Variants in AFF1 observed in about 807,000 individuals in gnomAD.
AFF1 encodes the protein ALF transcription elongation factor 1.
A neutral mutation model predicts 121.7 loss-of-function variants in AFF1; 48 were observed. That is an observed-to-expected ratio of 0.39 (90% CI 0.31 to 0.50). The LOEUF (loss-of-function observed/expected upper bound fraction) is 0.50. AFF1 is among the 20% of genes least tolerant of loss of function. The probability of loss-of-function intolerance (pLI) is 0.76; values close to 1 mark genes in which losing one functional copy is unlikely to be tolerated. For synonymous variants in AFF1, 613 were observed against 563.0 expected, an observed-to-expected ratio of 1.09 and a Z score of -1.26; for missense variants, 1,523 against 1,511.7, an observed-to-expected ratio of 1.01 and a Z score of -0.12.
intron 2 of AFF1, among the ~76,000 whole-genome samples, chr4:86,951,938 A>G (rs1040515973): frequency 6.9e-6 from 1 of 144,590 alleles, no homozygotes; most frequent in African/African-American, 2.6e-5. Context: ...TTTTTTTTTT[A>G]AAGCAAAAAG....
At chr4:87,086,566 C>T (rs555303268) in intron 5 of AFF1, among the ~76,000 whole-genome samples, 1 of 152,298 alleles carries the variant, frequency 6.6e-6, no homozygotes, top group South Asian at 2.1e-4. Context: ...CAGGACTGAA[C>T]AGGCCATAGG....
intron 2 of AFF1, among the ~76,000 whole-genome samples, chr4:87,030,671 G>A (rs1002812029): frequency 5.4e-5 from 8 of 149,136 alleles, no homozygotes; most frequent in East Asian, 2.0e-4. Flanking sequence ...TTTCTTCCCC[G>A]TTCCATTTCA....
intron 12 of AFF1, among the ~76,000 whole-genome samples, chr4:87,116,544 A>G (rs1376071586): frequency 6.6e-6 from 1 of 152,218 alleles, no homozygotes; most frequent in Non-Finnish European, 1.5e-5. Context: ...AAGTTGAGCT[A>G]AGAATAACAA....
chr4:86,978,603 T>C (rs765546179), intron 2 of AFF1, among the ~76,000 whole-genome samples: 1 of 151,724 alleles, frequency 6.6e-6, no homozygotes, highest in Non-Finnish European at 1.5e-5. Context: ...AGTGCAGTGG[T>C]GCAACCAATA....
chr4:87,007,180 C>A, intron 2 of AFF1: 1 of 1,369,022 alleles, frequency 7.3e-7, no homozygotes, highest in East Asian at 2.9e-5. Flanking sequence ...CCGCAGAGGC[C>A]CCAGTGCCCG....
At chr4:87,046,635 T>C in intron 3 of AFF1, 60 bp from the exon 4 acceptor site, 2 of 1,512,196 alleles carry the variant, frequency 1.3e-6, no homozygotes, top group Non-Finnish European at 1.8e-6. Flanking sequence ...TATAACGTGG[T>C]TTGTTAAATG....
At chr4:87,006,788 CAGGCGGGGCTCG>C in intron 2 of AFF1, among the ~76,000 whole-genome samples, 1 of 152,376 alleles carries the variant, frequency 6.6e-6, no homozygotes, top group Non-Finnish European at 1.5e-5. Flanking sequence ...GAGGAGCCCG[CAGGCGGGGCTCG>C]GCCGGGGACC....
chr4:87,111,688 A>AT (rs1438727770), intron 11 of AFF1, among the ~76,000 whole-genome samples: 9 of 152,036 alleles, frequency 5.9e-5, no homozygotes, highest in African/African-American at 1.9e-4. Flanking sequence ...TTATGAAAAC[A>AT]TTTTTTCCAT....
chr4:87,135,754 C>G lies in AFF1; in HGVS notation c.*53C>G, dbSNP rs1250823086. On this transcript the variant is annotated 3_prime_UTR_variant, in exon 21 of 21. Coordinates refer to ENST00000395146, the MANE Select transcript of AFF1 (RefSeq NM_001166693.3). ...GGGAACTATTTTTGCACATTGGAAG[C>G]CTCAAAAACAGTCCAGACATTTGTT... The G allele has an allele frequency of 1.3e-6, 2 of 1,570,378 alleles. No individual in the cohort carries two copies. Among genetic ancestry groups the G allele is most frequent in the Admixed American group, 3.7e-5 (2 of 53,896 alleles).
At chr4:86,938,445 G>A (rs563354073) in intron 1 of AFF1, among the ~76,000 whole-genome samples, 419 of 112,686 alleles carry the variant, frequency 3.7e-3, no homozygotes, top group African/African-American at 0.014. Context: ...GCAAGACTCC[G>A]TCTCAAAAAA....
rs771441754 is a variant in AFF1 at position 87,047,756 on chromosome 4, A to G, written c.1059+162A>G. 3.8e-5 allele frequency: 35 copies of G among 931,910 alleles called. No individual in the cohort carries two copies. The Admixed American group carries it at 6.0e-4, about 16-fold the overall frequency. 57.7% of individuals were successfully genotyped at this position (931,910 alleles called of 1,614,324 possible). A position where few individuals can be genotyped will look rare whatever the true frequency, so the allele number is the denominator to read the frequency against. On this transcript the variant is annotated intron_variant, in intron 4 of 20. Coordinates refer to ENST00000395146, the MANE Select transcript of AFF1 (RefSeq NM_001166693.3). ...CTTGTTAATAACCCGCGAAAAACTC[A>G]GATCTGAGATGGACGACTGATTATA...
rs1726958700 is a variant in AFF1 at position 87,115,066 on chromosome 4, A to G, written c.2233A>G (p.Arg745Gly). Residue 745 changes from arginine to glycine, a missense_variant, in exon 12 of 21, where the codon AGA (arginine) becomes GGA (glycine). Arg to Gly is a moderately radical substitution (Grantham distance 125). Transcript: ENST00000395146. Reference protein sequence around the residue: ...VVVQEDSRKDRLPLPLRDTKL... With the variant: ...VVVQEDSRKDGLPLPLRDTKL... ...GGTCCAGGAGGACAGCCGCAAAGAC[A>G]GACTCCCATTGCCTTTGAGAGACAC... is the stretch of plus-strand genomic sequence containing the variant. 1 of 1,614,050 alleles carries G rather than the reference A, an allele frequency of 6.2e-7. No individual in the cohort carries two copies. Among genetic ancestry groups the G allele is most frequent in the Admixed American group, 1.7e-5 (1 of 60,006 alleles).
chr4:87,133,232 G>A (rs1000495328), intron 19 of AFF1, among the ~76,000 whole-genome samples: 8 of 152,136 alleles, frequency 5.3e-5, no homozygotes, highest in African/African-American at 1.2e-4. Flanking sequence ...TATGCTGTAA[G>A]TTATTAGAAA....
At chr4:87,020,108 A>G (rs534751385) in intron 2 of AFF1, among the ~76,000 whole-genome samples, 2 of 152,248 alleles carry the variant, frequency 1.3e-5, no homozygotes, top group Admixed American at 6.5e-5. Context: ...TGTGATCACA[A>G]TAAACTACTG....
chr4:86,969,287 G>A (rs1166220243), intron 2 of AFF1, among the ~76,000 whole-genome samples: 1 of 151,622 alleles, frequency 6.6e-6, no homozygotes, highest in Non-Finnish European at 1.5e-5. Flanking sequence ...GACCCATCCT[G>A]GCTAACATGG....
At chr4:86,937,479 T>TA (rs1410786462) in intron 1 of AFF1, among the ~76,000 whole-genome samples, 12 of 152,380 alleles carry the variant, frequency 7.9e-5, no homozygotes, top group African/African-American at 2.9e-4. Flanking sequence ...AGGTGAAAGT[T>TA]ACTTTTTTAA....
At chr4:87,042,169 A>G (rs35182728) in intron 2 of AFF1, among the ~76,000 whole-genome samples, 20,787 of 152,180 alleles carry the variant, frequency 0.14, 1,876 homozygotes, top group Middle Eastern at 0.23. Context: ...AGGTTTACTC[A>G]TGGTATGAAT....
rs192878070 is a variant in AFF1, at chr4:87,073,224, G to A, written c.1060-10896G>A. Among the ~76,000 whole-genome samples the A allele has an allele frequency of 2.8e-3, 385 of 137,708 alleles. 1 individual carries two copies. Among genetic ancestry groups the A allele is most frequent in the Middle Eastern group, 4.9e-3 (1 of 206 alleles). 90.3% of individuals were successfully genotyped at this position (137,708 alleles called of 152,430 possible). ...TTGTACATTCCCAGGATGACCTTGA[G>A]CCCTTTTTCTAGACCCTAGTAATTA... On this transcript the variant is annotated intron_variant, in intron 4 of 20. Coordinates refer to ENST00000395146, the MANE Select transcript of AFF1 (RefSeq NM_001166693.3).
chr4:87,094,939 C>T lies in AFF1; in HGVS notation c.1253C>T (p.Thr418Ile), dbSNP rs1279511701. ...GAACAATATGATACATCTTCAAAAA[C>T]TCACTCAAATTCTCAGCAAGGAACG... ...NQKQYDTSSKTHSNSQQGTSS... is the reference protein window; with the variant it reads ...NQKQYDTSSKIHSNSQQGTSS... Residue 418 changes from threonine (T) to isoleucine (I), a missense_variant, in exon 8 of 21, where the codon ACT (threonine) becomes ATT (isoleucine). Coordinates refer to ENST00000395146, the MANE Select transcript of AFF1 (RefSeq NM_001166693.3). The T allele has an allele frequency of 3.1e-6, 5 of 1,613,846 alleles. No individual in the cohort carries two copies. Among genetic ancestry groups the T allele is most frequent in the African/African-American group, 1.3e-5 (1 of 74,918 alleles).
Sources: allele counts gnomAD v4.1 joint callset (sites outside exome capture counted in the v4.1 genomes callset), GRCh38; gene constraint gnomAD v4.1.1; transcripts MANE v1.5; gene names NCBI Gene and HGNC (gene_info 2026-07-23, HGNC 2026-07-21).